Variants in ZBTB10 observed in about 807,000 individuals in gnomAD.
ZBTB10 encodes zinc finger and BTB domain containing 10.
Under a neutral mutation model 76.4 loss-of-function variants are expected in ZBTB10, and 32 were observed. That is an observed-to-expected ratio of 0.42 (90% CI 0.32 to 0.56). The LOEUF (loss-of-function observed/expected upper bound fraction) is 0.56, where lower values mean the gene tolerates loss of function less well. Ranked by LOEUF, ZBTB10 falls within the 20% of genes least tolerant of loss-of-function variation. The probability of loss-of-function intolerance (pLI) is 0.14; values close to 1 mark genes in which losing one functional copy is unlikely to be tolerated. For missense variants in ZBTB10, 1,057 were observed against 1,098.5 expected (o/e 0.96, Z 0.53); for synonymous variants, 523 against 432.9 (o/e 1.21, Z -2.58).
chr8:80,494,151 A>G (rs1815721718), intron 1 of ZBTB10, among the ~76,000 whole-genome samples: 1 of 152,180 alleles, frequency 6.6e-6, no homozygotes, highest in Non-Finnish European at 1.5e-5. Flanking sequence ...GTTGCTGCAG[A>G]GTAATATTTT....
Position 80,519,481 on chromosome 8 carries a change from T to C in ZBTB10, c.2569T>C (p.Ser857Pro), listed in dbSNP as rs762052590. The C allele has an allele frequency of 6.2e-7, 1 of 1,612,206 alleles. No individual in the cohort carries two copies. Among genetic ancestry groups the C allele is most frequent in the East Asian group, 2.2e-5 (1 of 44,816 alleles). Reference protein sequence around the residue: ...VDDGEDQNDPSRWDESGEVCM... With the variant: ...VDDGEDQNDPPRWDESGEVCM... The stretch of plus-strand genomic sequence containing the variant: ...TGATGGAGAAGATCAGAATGATCCC[T>C]CTCGATGGGATGAATCAGGAGAAGT... Residue 857 changes from serine to proline, a missense_variant, in exon 6 of 6, where the codon TCT (serine) becomes CCT (proline). Ser to Pro is a moderately conservative substitution (Grantham distance 74, BLOSUM62 -1). Coordinates refer to ENST00000455036, the MANE Select transcript of ZBTB10 (RefSeq NM_001105539.3).
At chr8:80,505,798 TGGC>T (rs1477538149) in intron 2 of ZBTB10, among the ~76,000 whole-genome samples, 1 of 152,064 alleles carries the variant, frequency 6.6e-6, no homozygotes, top group Non-Finnish European at 1.5e-5. Flanking sequence ...GTCATGATCA[TGGC>T]TTACAGAAAC....
At chr8:80,514,231 C>T (rs1441549680) in intron 3 of ZBTB10, among the ~76,000 whole-genome samples, 2 of 152,124 alleles carry the variant, frequency 1.3e-5, no homozygotes, top group African/African-American at 4.8e-5. Context: ...TTAAAAACTC[C>T]TACATATAAA....
At chr8:80,493,205 G>GCACACACA (rs1475902734) in intron 1 of ZBTB10, among the ~76,000 whole-genome samples, 40 of 98,442 alleles carry the variant, frequency 4.1e-4, no homozygotes, top group Admixed American at 1.1e-3. Context: ...GCGCGCGCGC[G>GCACACACA]CGCACACACA....
In ZBTB10 at chr8:80,487,440, G is replaced by A; in HGVS notation, c.630G>A (p.Ser210=). 1.3e-6 allele frequency: 2 copies of A among 1,546,016 alleles called. No homozygotes were observed. ...GCAGCTGCAGCAGCAGCAGGCGGTC[G>A]GGCGGCGATGGCGGGGACGAAGTGG... The part of the protein sequence containing the change: ...EGGSCSSSRR[S]GGDGGDEVEG... Residue 210 remains serine (S), a synonymous_variant, in exon 1 of 6, where the codon TCG becomes TCA. Coordinates refer to ENST00000455036, the MANE Select transcript of ZBTB10 (RefSeq NM_001105539.3).
rs1816458262 is a variant in ZBTB10 at position 80,521,989 on chromosome 8, T to G, written c.*2461T>G. 1 of 151,932 alleles carries G rather than the reference T, an allele frequency of 6.6e-6. No homozygotes were observed. Among genetic ancestry groups the G allele is most frequent in the Admixed American group, 6.6e-5 (1 of 15,240 alleles). The allele number at this position is 151,932 out of a possible 1,614,324, so 9.4% of individuals were successfully genotyped here. On this transcript the variant is annotated 3_prime_UTR_variant, in exon 6 of 6. Coordinates refer to ENST00000455036, the MANE Select transcript of ZBTB10 (RefSeq NM_001105539.3). ...AAAAGTGTTTATACTCTTGAATATA[T>G]TAGCCTCAGCCTATATAAAAATTTC... is the stretch of plus-strand genomic sequence containing the variant.
At chr8:80,512,617 T>C (rs1816223440) in intron 2 of ZBTB10, among the ~76,000 whole-genome samples, 2 of 151,952 alleles carry the variant, frequency 1.3e-5, no homozygotes, top group Admixed American at 6.6e-5. Context: ...GAGGCTGAAG[T>C]AGGAGAATCG....
At position 80,520,773 on chromosome 8, in the gene ZBTB10, CT is replaced by C. The variant is rs1563469224; in HGVS notation, c.*1248del. The stretch of plus-strand genomic sequence containing the variant: ...ATCTTACAAATAAAATTCTGAGAAG[CT>C]TTATTATTCTATAAATTCTTCAGGG... On this transcript the variant is annotated 3_prime_UTR_variant, in exon 6 of 6. Coordinates refer to ENST00000455036, the MANE Select transcript of ZBTB10 (RefSeq NM_001105539.3). The C allele has an allele frequency of 8.0e-6, 1 of 125,162 alleles. No homozygotes were observed. The highest frequency in any genetic ancestry group is 4.6e-5 in the African/African-American group (1 of 21,600). 7.8% of individuals were successfully genotyped at this position (125,162 alleles called of 1,614,324 possible). A position where few individuals can be genotyped will look rare whatever the true frequency, so the allele number is the denominator to read the frequency against.
chr8:80,486,020 C>A (rs1815437499), upstream of ZBTB10: 3 of 1,013,994 alleles, frequency 3.0e-6, no homozygotes, highest in African/African-American at 1.8e-5. Flanking sequence ...TTGTCCCCAA[C>A]CCCTCGGCCG....
At chr8:80,498,192 T>A (rs576387667) in intron 1 of ZBTB10, among the ~76,000 whole-genome samples, 12 of 152,352 alleles carry the variant, frequency 7.9e-5, no homozygotes, top group African/African-American at 2.9e-4. Context: ...ATATTGTTTG[T>A]GAGACTACTT....
chr8:80,491,118 C>T (rs999756653), intron 1 of ZBTB10, among the ~76,000 whole-genome samples: 2 of 152,176 alleles, frequency 1.3e-5, no homozygotes, highest in Non-Finnish European at 1.5e-5. Context: ...CATTCAGTCA[C>T]CACTCACTGA....
rs1431641918 is a variant in ZBTB10, at chr8:80,521,263, CTG to C, written c.*1737_*1738del. 2.0e-5 allele frequency: 3 copies of C among 151,802 alleles called. No homozygotes were observed. Among genetic ancestry groups the C allele is most frequent in the East Asian group, 1.9e-4 (1 of 5,190 alleles). The allele number at this position is 151,802 out of a possible 1,614,324, so 9.4% of individuals were successfully genotyped here. A position where few individuals can be genotyped will look rare whatever the true frequency, so the allele number is the denominator to read the frequency against. On this transcript the variant is annotated 3_prime_UTR_variant, in exon 6 of 6. Transcript: ENST00000455036. ...CATCTATATTGTAGTTTCTACATAA[CTG>C]TAAACCTGACAGATAAGAATAGTTT...
chr8:80,485,696 C>T, upstream of ZBTB10: 2 of 1,271,198 alleles, frequency 1.6e-6, no homozygotes. Context: ...GTCGTAACCT[C>T]TTCGCGTGAA....
At chr8:80,501,798 A>G (rs1369321934) in intron 2 of ZBTB10, among the ~76,000 whole-genome samples, 1 of 152,210 alleles carries the variant, frequency 6.6e-6, no homozygotes, top group Non-Finnish European at 1.5e-5. Context: ...CCCTGAGACA[A>G]TTTAGTTAAA....
At chr8:80,517,089 G>C (rs575421713) in intron 3 of ZBTB10, among the ~76,000 whole-genome samples, 8 of 152,168 alleles carry the variant, frequency 5.3e-5, no homozygotes, top group African/African-American at 1.9e-4. Flanking sequence ...GGGCTCCACC[G>C]GGTAAAGCTT....
intron 1 of ZBTB10, among the ~76,000 whole-genome samples, chr8:80,489,121 A>G (rs913088568): frequency 1.3e-5 from 2 of 152,200 alleles, no homozygotes; most frequent in African/African-American, 4.8e-5. Context: ...GGGTGACCCA[A>G]CTGAGACTAG....
chr8:80,504,527 A>G (rs907496869), intron 2 of ZBTB10, among the ~76,000 whole-genome samples: 10 of 152,090 alleles, frequency 6.6e-5, no homozygotes, highest in Admixed American at 3.9e-4. Flanking sequence ...AAATTAACAT[A>G]TTTGTTGTTT....
chr8:80,511,545 T>G (rs2131509063), intron 2 of ZBTB10, among the ~76,000 whole-genome samples: 1 of 152,336 alleles, frequency 6.6e-6, no homozygotes, highest in Non-Finnish European at 1.5e-5. Flanking sequence ...TGTAGTATAG[T>G]GGTGTGATTG....
Position 80,518,897 on chromosome 8 carries a change from C to T in ZBTB10, c.2253C>T (p.Ser751=). 1 of 1,609,800 alleles carries T rather than the reference C, an allele frequency of 6.2e-7. No homozygotes were observed. Among genetic ancestry groups the T allele is most frequent in the South Asian group, 1.1e-5 (1 of 90,322 alleles). ...LLIHTGVRSF[S]CDICGKLFTR... ...TTCACACAGGAGTGAGATCATTTAG[C>T]TGTGATATTTGTGGAAAACTGTTTA... Residue 751 remains serine, a synonymous_variant, in exon 5 of 6, where the codon AGC becomes AGT. Coordinates refer to ENST00000455036, the MANE Select transcript of ZBTB10 (RefSeq NM_001105539.3).
Sources: gnomAD v4.1 joint callset for allele counts (sites outside exome capture counted in the v4.1 genomes callset) on GRCh38, gnomAD v4.1.1 for gene constraint, MANE v1.5 for transcripts, NCBI Gene and HGNC (gene_info 2026-07-23, HGNC 2026-07-21) for gene names.